The following KLRG1 variants were observed in gnomAD, a reference collection of about 807,000 sequenced individuals.
KLRG1 encodes the protein killer cell lectin-like receptor subfamily G member 1.
In KLRG1, 16 loss-of-function variants were observed where a neutral mutation model predicts 21.8. The ratio of observed to expected loss-of-function variants is 0.73; its 90% CI spans 0.50 to 1.11. The LOEUF (loss-of-function observed/expected upper bound fraction) is 1.11, where lower values mean the gene tolerates loss of function less well. Ranked by LOEUF, KLRG1 falls within the 50% of genes most tolerant of loss-of-function variation. The probability of loss-of-function intolerance (pLI) is 0.00; values close to 1 mark genes in which losing one functional copy is unlikely to be tolerated. For synonymous variants in KLRG1, 69 were observed against 75.9 expected (o/e 0.91, Z 0.47); for missense variants, 173 against 218.3 (o/e 0.79, Z 1.31).
intron 3 of KLRG1, among the ~76,000 whole-genome samples, chr12:9,004,790 T>C (rs1411597143): frequency 1.3e-5 from 2 of 152,162 alleles, no homozygotes; most frequent in Non-Finnish European, 2.9e-5. Context: ...CTGCATTTAT[T>C]GAGTATAATT....
the KLRG1 span, among the ~76,000 whole-genome samples, chr12:9,095,926 ATTTTTTG>A: frequency 6.7e-6 from 1 of 148,178 alleles, no homozygotes. Context: ...CGCCCGGCTA[ATTTTTTG>A]TATTTTTAGT....
At chr12:9,175,517 G>A in the KLRG1 span, among the ~76,000 whole-genome samples, 1 of 152,066 alleles carries the variant, frequency 6.6e-6, no homozygotes, top group African/African-American at 2.4e-5. Flanking sequence ...TCATTAGAGT[G>A]AACAGACAAC....
At chr12:9,100,364 A>C in the KLRG1 span, among the ~76,000 whole-genome samples, 1 of 152,208 alleles carries the variant, frequency 6.6e-6, no homozygotes, top group Non-Finnish European at 1.5e-5. Context: ...TGGTTTAAAA[A>C]TCTGGAATAA....
chr12:9,006,865 G>C (rs190786799), intron 3 of KLRG1, among the ~76,000 whole-genome samples: 3 of 152,156 alleles, frequency 2.0e-5, no homozygotes, highest in African/African-American at 4.8e-5. Flanking sequence ...GAGCTAGGAG[G>C]CTCCAGAATT....
intron 2 of KLRG1, 140 bp downstream of exon 2, chr12:8,992,450 CCTT>C: frequency 1.7e-6 from 1 of 573,952 alleles, no homozygotes; most frequent in South Asian, 2.4e-5. Context: ...CTGGGTATAG[CCTT>C]TGACCATGTG....
At chr12:9,007,970 T>C (rs555042751) in intron 3 of KLRG1, among the ~76,000 whole-genome samples, 10 of 152,336 alleles carry the variant, frequency 6.6e-5, no homozygotes, top group South Asian at 6.2e-4. Flanking sequence ...ATAGAGGCAA[T>C]TCTCTTTGGA....
chr12:9,154,993 CACTTCTATGCTGA>C, the KLRG1 span, among the ~76,000 whole-genome samples: 1 of 152,206 alleles, frequency 6.6e-6, no homozygotes, highest in African/African-American at 2.4e-5. Context: ...CACTAACTCA[CACTTCTATGCTGA>C]ACTTGATTTA....
chr12:9,108,736 T>C, the KLRG1 span, among the ~76,000 whole-genome samples: 2 of 151,584 alleles, frequency 1.3e-5, no homozygotes, highest in African/African-American at 2.4e-5. Flanking sequence ...CTTTTCAAGG[T>C]TGGAACAGAC....
the KLRG1 span, chr12:9,098,687 G>A: frequency 3.7e-6 from 6 of 1,612,004 alleles, no homozygotes; most frequent in Admixed American, 3.3e-5. Context: ...ACGGACTGAG[G>A]AGCCGCTGTG....
At chr12:9,093,967 T>G in the KLRG1 span, among the ~76,000 whole-genome samples, 14 of 151,904 alleles carry the variant, frequency 9.2e-5, no homozygotes, top group Non-Finnish European at 1.6e-4. Context: ...AGGAGGGTCA[T>G]AAGCAGAGGC....
the KLRG1 span, among the ~76,000 whole-genome samples, chr12:9,199,523 A>G: frequency 6.6e-6 from 1 of 152,212 alleles, no homozygotes. Flanking sequence ...AAAACATTCA[A>G]TGTATCCTCT....
At chr12:9,107,543 C>T in the KLRG1 span, 1 of 1,613,954 alleles carries the variant, frequency 6.2e-7, no homozygotes, top group Non-Finnish European at 8.5e-7. Flanking sequence ...GAATTTCTCA[C>T]AGAAAGCCTG....
At chr12:9,100,602 A>G in the KLRG1 span, among the ~76,000 whole-genome samples, 1 of 152,268 alleles carries the variant, frequency 6.6e-6, no homozygotes, top group East Asian at 1.9e-4. Context: ...TAAATAACGC[A>G]AAGAAAATAG....
At chr12:9,121,355 A>G in the KLRG1 span, among the ~76,000 whole-genome samples, 2 of 152,116 alleles carry the variant, frequency 1.3e-5, no homozygotes, top group African/African-American at 2.4e-5. This position sits in a 1 kb window ranked among gnomAD's most constrained non-coding sequence, Gnocchi z 4.4. Flanking sequence ...ATCCTGGCCA[A>G]CATGGTGAAA....
chr12:8,968,947 G>C (rs978783937), intron 1 of KLRG1, among the ~76,000 whole-genome samples: 3 of 152,212 alleles, frequency 2.0e-5, no homozygotes, highest in African/African-American at 7.2e-5. Context: ...AGCTAAAGCA[G>C]TGCTTACAGG....
the KLRG1 span, among the ~76,000 whole-genome samples, chr12:9,037,890 A>G: frequency 6.6e-6 from 1 of 152,184 alleles, no homozygotes; most frequent in East Asian, 1.9e-4. Flanking sequence ...TGTAAATACA[A>G]TCTATGACCT....
the KLRG1 span, among the ~76,000 whole-genome samples, chr12:9,093,001 C>T: frequency 6.6e-6 from 1 of 152,156 alleles, no homozygotes; most frequent in Non-Finnish European, 1.5e-5. Context: ...ATAAGCCAGA[C>T]ACAGGACAAG....
At chr12:9,112,186 A>G in the KLRG1 span, 15 of 1,613,774 alleles carry the variant, frequency 9.3e-6, no homozygotes, top group Admixed American at 1.7e-5. Flanking sequence ...GAAAGTTTTC[A>G]TCCATGGAGA....
At chr12:9,152,170 A>G in the KLRG1 span, 2 of 1,294,656 alleles carry the variant, frequency 1.5e-6, no homozygotes, top group African/African-American at 2.9e-5. Context: ...TAGTTTGGGG[A>G]TACAGAACAT....
Sources: gnomAD v4.1 joint callset for allele counts (sites outside exome capture counted in the v4.1 genomes callset) on GRCh38, gnomAD v4.1.1 for gene constraint, Gnocchi (gnomAD v3.1) non-coding constraint, MANE v1.5 for transcripts, NCBI Gene and HGNC (gene_info 2026-07-23, HGNC 2026-07-21) for gene names.